Variants in DNAH14 observed in about 807,000 individuals in gnomAD.
DNAH14 encodes axonemal beta dynein heavy chain 14.
DNAH14 carries 478 observed loss-of-function variants against 520.9 expected under a neutral mutation model. That is an observed-to-expected ratio of 0.92 (90% confidence interval 0.85 to 0.99). DNAH14 has a LOEUF of 0.99. Ranked by LOEUF, DNAH14 falls within the 50% of genes least tolerant of loss-of-function variation. The pLI, the probability that DNAH14 is intolerant of heterozygous loss-of-function variation, is 0.00. For missense variants in DNAH14, 4,831 were observed against 5,234.5 expected (o/e 0.92, Z 2.38); for synonymous variants, 1,581 against 1,757.2 (o/e 0.90, Z 2.51).
At position 225,231,167 on chromosome 1, in the gene DNAH14, T is replaced by C; in HGVS notation, c.6518+16T>C. On this transcript the variant is annotated intron_variant, in intron 42 of 85. Transcript: ENST00000682510. ...TAGAAAAGAGGTCAGTTACATTCCT[T>C]CAGAAAACATGTTTTAATAACCATT... is the stretch of plus-strand genomic sequence containing the variant. 6.6e-7 allele frequency: 1 copy of C among 1,520,304 alleles called. No individual in the cohort carries two copies. The highest frequency in any genetic ancestry group is 8.9e-7 in the Non-Finnish European group (1 of 1,129,132). The allele number at this position is 1,520,304 out of a possible 1,614,324, so 94.2% of individuals were successfully genotyped here.
intron 12 of DNAH14, among the ~76,000 whole-genome samples, chr1:225,039,475 T>C (rs1241856893): frequency 1.3e-5 from 2 of 152,146 alleles, no homozygotes. Flanking sequence ...AATGTATCTG[T>C]TATGTTTTGA....
At chr1:225,237,058 C>A (rs1023999438) in intron 42 of DNAH14, among the ~76,000 whole-genome samples, 5 of 152,116 alleles carry the variant, frequency 3.3e-5, no homozygotes, top group African/African-American at 1.2e-4. Flanking sequence ...AAATTTTCTC[C>A]CATCCCTTTA....
chr1:225,177,645 A>G (rs2083475304), intron 36 of DNAH14, among the ~76,000 whole-genome samples: 1 of 152,186 alleles, frequency 6.6e-6, no homozygotes, highest in African/African-American at 2.4e-5. Context: ...AGAGGGTGCA[A>G]GCCTCAAGCC....
At chr1:225,381,039 A>G (rs1038848398) in intron 80 of DNAH14, among the ~76,000 whole-genome samples, 13 of 152,344 alleles carry the variant, frequency 8.5e-5, no homozygotes, top group African/African-American at 3.1e-4. Flanking sequence ...GAAGGAATAT[A>G]GTTTGTGACA....
intron 17 of DNAH14, among the ~76,000 whole-genome samples, chr1:225,057,696 A>G (rs1041763875): frequency 2.0e-5 from 3 of 152,160 alleles, no homozygotes; most frequent in African/African-American, 4.8e-5. Context: ...ATTTTGAGAT[A>G]TGTCCCATCA....
chr1:225,143,301 A>G (rs903726006), intron 28 of DNAH14, among the ~76,000 whole-genome samples: 7 of 152,198 alleles, frequency 4.6e-5, no homozygotes, highest in African/African-American at 1.7e-4. Context: ...TTCTTTAAAA[A>G]AACATTTTCT....
chr1:225,164,047 T>C (rs1281922744), intron 35 of DNAH14, among the ~76,000 whole-genome samples: 1 of 152,176 alleles, frequency 6.6e-6, no homozygotes, highest in African/African-American at 2.4e-5. Flanking sequence ...CAAGTATATA[T>C]AGGCTATTAA....
chr1:225,193,009 A>C, intron 38 of DNAH14, 98 bp downstream of exon 38: 1 of 889,772 alleles, frequency 1.1e-6, no homozygotes, highest in Non-Finnish European at 1.6e-6. Context: ...GACATCTATT[A>C]GTGTAAAAGT....
At chr1:225,356,792 G>A (rs2095434160) in intron 73 of DNAH14, among the ~76,000 whole-genome samples, 1 of 152,098 alleles carries the variant, frequency 6.6e-6, no homozygotes, top group African/African-American at 2.4e-5. Flanking sequence ...TGAATTTTAT[G>A]TAGCAAGGAT....
Position 225,310,166 on chromosome 1 carries a change from T to C in DNAH14, c.9240+1756T>C, listed in dbSNP as rs536972553. On this transcript the variant is annotated intron_variant, in intron 60 of 85. Coordinates refer to ENST00000682510, the MANE Select transcript of DNAH14 (RefSeq NM_001367479.1). ...AATTCATGGCGTTTGTTTTTGCTTT[T>C]TGTTTTGCATGGTTTTGTTTTGTTT... 1.8e-4 allele frequency among the ~76,000 whole-genome samples: 28 copies of C among 152,144 alleles called. No homozygotes were observed. The South Asian group carries it at 5.8e-3, about 31-fold the overall frequency.
At chr1:225,387,121 G>A (rs537292521) in intron 81 of DNAH14, among the ~76,000 whole-genome samples, 1 of 152,040 alleles carries the variant, frequency 6.6e-6, no homozygotes, top group East Asian at 1.9e-4. Context: ...ATCATTCTGA[G>A]CAAACTATTG....
chr1:225,021,279 G>A (rs1275179690), intron 10 of DNAH14, among the ~76,000 whole-genome samples: 2 of 152,106 alleles, frequency 1.3e-5, no homozygotes. Context: ...GTTAAACACA[G>A]TACTGGAAAT....
intron 72 of DNAH14, 106 bp downstream of exon 72, chr1:225,351,989 G>A: frequency 1.2e-6 from 1 of 858,152 alleles, no homozygotes; most frequent in African/African-American, 1.7e-5. Context: ...AAAAATTGAA[G>A]GGAGGACTAT....
chr1:225,189,923 T>A lies in DNAH14; in HGVS notation c.5671-2773T>A, dbSNP rs181701904. Among the ~76,000 whole-genome samples, 35 of 152,092 alleles carry A rather than the reference T, an allele frequency of 2.3e-4. 1 individual carries two copies. The East Asian group carries it at 6.4e-3, about 28-fold the overall frequency. On this transcript the variant is annotated intron_variant, in intron 37 of 85. Transcript: ENST00000682510. Reference sequence around the variant, plus strand: ...GTGTAACATTTGGATTCCTTCTTCATTTCCTTTTCATTTTTTACTCATTTT... The same window carrying A: ...GTGTAACATTTGGATTCCTTCTTCAATTCCTTTTCATTTTTTACTCATTTT...
chr1:225,113,795 C>A (rs1036655302), intron 23 of DNAH14, among the ~76,000 whole-genome samples: 10 of 152,228 alleles, frequency 6.6e-5, no homozygotes, highest in South Asian at 2.1e-4. Flanking sequence ...GCCGGGGTAC[C>A]GCTGATGTTC....
At chr1:225,141,346 T>G (rs2149027667) in intron 28 of DNAH14, among the ~76,000 whole-genome samples, 1 of 152,222 alleles carries the variant, frequency 6.6e-6, no homozygotes, top group South Asian at 2.1e-4. Flanking sequence ...GTCATTGTTT[T>G]TCATCTCTTA....
At chr1:225,062,006 A>G (rs2070196401) in intron 17 of DNAH14, among the ~76,000 whole-genome samples, 1 of 152,230 alleles carries the variant, frequency 6.6e-6, no homozygotes, top group South Asian at 2.1e-4. Context: ...AATAAAGGAA[A>G]GAAATACTGG....
intron 55 of DNAH14, among the ~76,000 whole-genome samples, chr1:225,297,876 G>A (rs564618263): frequency 1.2e-4 from 18 of 152,132 alleles, no homozygotes; most frequent in Admixed American, 2.6e-4. Context: ...TGCCAGAGTT[G>A]CCCACTGGGT....
intron 21 of DNAH14, among the ~76,000 whole-genome samples, chr1:225,091,518 G>A (rs181340281): frequency 1.5e-4 from 23 of 152,064 alleles, no homozygotes; most frequent in East Asian, 7.7e-4. Flanking sequence ...GATCATTTTC[G>A]GACAAGCAAA....
Sources: gnomAD v4.1 joint callset for allele counts (sites outside exome capture counted in the v4.1 genomes callset) on GRCh38, gnomAD v4.1.1 for gene constraint, MANE v1.5 for transcripts, NCBI Gene and HGNC (gene_info 2026-07-23, HGNC 2026-07-21) for gene names.